L3MBTL4: variants seen among roughly 807,000 people sequenced by gnomAD.
L3MBTL4 encodes L3MBTL histone methyl-lysine binding protein 4, also known as lethal(3)malignant brain tumor-like protein 4.
L3MBTL4 carries 70 observed loss-of-function variants against 84.5 expected under a neutral mutation model. The observed-to-expected ratio is 0.83, with a 90% CI of 0.68 to 1.01. The LOEUF (loss-of-function observed/expected upper bound fraction) is 1.01, where lower values mean the gene tolerates loss of function less well. L3MBTL4 is among the 50% of genes least tolerant of loss of function. L3MBTL4 has a pLI of 0.00. For synonymous variants in L3MBTL4, 274 were observed against 259.8 expected (o/e 1.05, Z -0.52); for missense variants, 715 against 754.8 (o/e 0.95, Z 0.62).
intron 4 of L3MBTL4, among the ~76,000 whole-genome samples, chr18:6,268,287 A>C (rs1263532714): frequency 6.6e-6 from 1 of 152,154 alleles, no homozygotes; most frequent in East Asian, 1.9e-4. Context: ...GGAGACTGTA[A>C]TCCCAGCTAC....
At chr18:5,994,044 C>G (rs549851169) in intron 16 of L3MBTL4, among the ~76,000 whole-genome samples, 230 of 152,318 alleles carry the variant, frequency 1.5e-3, no homozygotes, top group African/African-American at 5.3e-3. Context: ...TGGAACCCGG[C>G]TTTTGTGGTT....
chr18:6,123,856 T>C (rs2059604598), intron 14 of L3MBTL4, among the ~76,000 whole-genome samples: 1 of 152,234 alleles, frequency 6.6e-6, no homozygotes, highest in South Asian at 2.1e-4. Context: ...CCTGAAACTG[T>C]TTTTACTTTG....
At chr18:5,969,369 T>TG (rs1382454842) in intron 17 of L3MBTL4, 24 bp downstream of exon 17, 3 of 1,613,026 alleles carry the variant, frequency 1.9e-6, no homozygotes, top group Non-Finnish European at 2.5e-6. Flanking sequence ...ACCCCAGCCC[T>TG]GGCCCCCCAG....
intron 13 of L3MBTL4, among the ~76,000 whole-genome samples, chr18:6,167,685 A>G (rs1426978220): frequency 6.6e-6 from 1 of 152,222 alleles, no homozygotes; most frequent in Non-Finnish European, 1.5e-5. Flanking sequence ...TCTCAAAATA[A>G]TAAGAGCTAT....
At chr18:6,398,618 C>T (rs2055376044) in intron 1 of L3MBTL4, among the ~76,000 whole-genome samples, 1 of 152,096 alleles carries the variant, frequency 6.6e-6, no homozygotes, top group Non-Finnish European at 1.5e-5. Flanking sequence ...AAAGCATATG[C>T]CAGAAGTCTG....
At chr18:6,050,857 T>C (rs1367713085) in intron 16 of L3MBTL4, among the ~76,000 whole-genome samples, 4 of 152,182 alleles carry the variant, frequency 2.6e-5, no homozygotes, top group Admixed American at 1.3e-4. Flanking sequence ...AGAATGTGTA[T>C]TGATCTGTTC....
chr18:6,292,457 G>C (rs778605587), intron 4 of L3MBTL4, among the ~76,000 whole-genome samples: 5 of 152,136 alleles, frequency 3.3e-5, no homozygotes, highest in Non-Finnish European at 7.4e-5. Context: ...CTGACAAGCA[G>C]GAATTTGATG....
At chr18:6,161,654 A>C (rs1311498825) in intron 13 of L3MBTL4, among the ~76,000 whole-genome samples, 6 of 152,154 alleles carry the variant, frequency 3.9e-5, no homozygotes. Context: ...TGTTGCCTAC[A>C]CTTGTGCCAT....
At chr18:6,039,184 C>A (rs529876385) in intron 16 of L3MBTL4, among the ~76,000 whole-genome samples, 1 of 152,222 alleles carries the variant, frequency 6.6e-6, no homozygotes, top group South Asian at 2.1e-4. Flanking sequence ...GACCTTCTAG[C>A]CTCCACAACT....
intron 1 of L3MBTL4, among the ~76,000 whole-genome samples, chr18:6,351,100 G>A (rs909473185): frequency 1.3e-5 from 2 of 152,156 alleles, no homozygotes; most frequent in African/African-American, 4.8e-5. Flanking sequence ...AGAGGCTGAG[G>A]CAGAAGAATC....
chr18:6,290,769 C>T (rs943429321), intron 4 of L3MBTL4, among the ~76,000 whole-genome samples: 4 of 151,960 alleles, frequency 2.6e-5, no homozygotes, highest in African/African-American at 9.7e-5. Flanking sequence ...CTCAGGTGAT[C>T]CACCCGTCTC....
At chr18:6,202,388 A>G (rs2045685170) in intron 12 of L3MBTL4, among the ~76,000 whole-genome samples, 1 of 152,058 alleles carries the variant, frequency 6.6e-6, no homozygotes. Context: ...ACCTAAATGC[A>G]ATGAGATGTC....
rs183587074 is a variant in L3MBTL4 at position 6,349,815 on chromosome 18, G to A, written c.-90-37759C>T. ...GGAGAGTAATCACCTGTGGTGGGAGGGGCTTTGGGAGCAGTCACTGGAAGG... is the reference window on the plus strand; with the variant it reads ...GGAGAGTAATCACCTGTGGTGGGAGAGGCTTTGGGAGCAGTCACTGGAAGG... On this transcript the variant is annotated intron_variant, in intron 1 of 18. Coordinates refer to ENST00000317931, the MANE Select transcript of L3MBTL4 (RefSeq NM_001330559.2). Among the ~76,000 whole-genome samples, 431 of 152,268 alleles carry A rather than the reference G, an allele frequency of 2.8e-3. 1 individual carries two copies. The highest frequency in any genetic ancestry group is 4.6e-3 in the Non-Finnish European group (314 of 68,022).
At chr18:6,304,930 G>A (rs763290341) in intron 3 of L3MBTL4, among the ~76,000 whole-genome samples, 2 of 152,140 alleles carry the variant, frequency 1.3e-5, no homozygotes, top group African/African-American at 2.4e-5. Context: ...GCTATCTGTC[G>A]CTCAGTGAGT....
intron 16 of L3MBTL4, among the ~76,000 whole-genome samples, chr18:6,026,501 C>T (rs1015690749): frequency 1.2e-4 from 18 of 152,204 alleles, no homozygotes; most frequent in Non-Finnish European, 2.5e-4. Flanking sequence ...GTCTGATGAA[C>T]TTACGGTGAG....
intron 16 of L3MBTL4, among the ~76,000 whole-genome samples, chr18:5,970,095 T>C (rs2052566219): frequency 6.6e-6 from 1 of 152,268 alleles, no homozygotes; most frequent in East Asian, 1.9e-4. Flanking sequence ...AGGGTCCCCA[T>C]GAGAAGCTGG....
At chr18:6,106,367 T>C (rs751305205) in intron 14 of L3MBTL4, among the ~76,000 whole-genome samples, 6 of 152,246 alleles carry the variant, frequency 3.9e-5, no homozygotes, top group Non-Finnish European at 7.3e-5. Flanking sequence ...TGGTTGTATA[T>C]GGAGAAGAAT....
chr18:6,025,360 C>T (rs1439779117), intron 16 of L3MBTL4: 1 of 152,246 alleles, frequency 6.6e-6, no homozygotes, highest in Non-Finnish European at 1.5e-5. Flanking sequence ...CCCCAAACCC[C>T]ACAGACCTCA....
intron 16 of L3MBTL4, among the ~76,000 whole-genome samples, chr18:6,074,236 T>C (rs551413795): frequency 6.6e-6 from 1 of 152,330 alleles, no homozygotes; most frequent in East Asian, 1.9e-4. Context: ...ATTTCTATGG[T>C]TGGCTATTTT....
Sources: gnomAD v4.1 joint callset for allele counts (sites outside exome capture counted in the v4.1 genomes callset) on GRCh38, gnomAD v4.1.1 for gene constraint, MANE v1.5 for transcripts, NCBI Gene and HGNC (gene_info 2026-07-23, HGNC 2026-07-21) for gene names.